Variants in GSE1 observed in about 807,000 individuals in gnomAD.
GSE1 encodes the protein Gse1 coiled-coil protein.
In GSE1, 32 loss-of-function variants were observed where a neutral mutation model predicts 112.6. That is an observed-to-expected ratio of 0.28 (90% CI 0.21 to 0.38). GSE1 has a LOEUF of 0.38. Ranked by LOEUF, GSE1 falls within the 10% of genes least tolerant of loss-of-function variation. The pLI is 1.00. For synonymous variants in GSE1, 1,115 were observed against 735.6 expected, an observed-to-expected ratio of 1.52 and a Z score of -8.35; for missense variants, 2,348 against 1,699.2, an observed-to-expected ratio of 1.38 and a Z score of -6.71.
At chr16:85,208,632 T>G (rs190345296) in intron 1 of GSE1, among the ~76,000 whole-genome samples, 63 of 151,986 alleles carry the variant, frequency 4.1e-4, no homozygotes, top group Non-Finnish European at 6.9e-4. Flanking sequence ...TGCGGGCCAC[T>G]TAGCCTCAGG....
intron 1 of GSE1, among the ~76,000 whole-genome samples, chr16:85,572,558 G>A (rs1393045933): frequency 3.3e-5 from 5 of 151,842 alleles, no homozygotes; most frequent in Non-Finnish European, 7.4e-5. Context: ...CACACAACAC[G>A]ACATACACAC....
intron 2 of GSE1, among the ~76,000 whole-genome samples, chr16:85,517,367 G>A (rs998318954): frequency 1.4e-4 from 22 of 152,292 alleles, no homozygotes; most frequent in African/African-American, 5.3e-4. Flanking sequence ...TGTGAAATGG[G>A]GCAATAGAGC....
intron 1 of GSE1, among the ~76,000 whole-genome samples, chr16:85,222,803 TCTCCCGCTGCTGACGGGCCTC>T (rs1463057434): frequency 6.6e-6 from 1 of 152,136 alleles, no homozygotes; most frequent in Non-Finnish European, 1.5e-5. Flanking sequence ...GTCTCACTGG[TCTCCCGCTGCTGACGGGCCTC>T]CTCTGCAGCA....
intron 2 of GSE1, among the ~76,000 whole-genome samples, chr16:85,496,259 C>T (rs927817324): frequency 1.3e-5 from 2 of 152,218 alleles, no homozygotes; most frequent in Admixed American, 6.5e-5. Context: ...CCAAGGCCGT[C>T]GTCAGGGATG....
Position 85,663,105 on chromosome 16 carries a change from TC to T in GSE1, c.2373+14del, listed in dbSNP as rs1200680405. 1 of 1,556,160 alleles carries T rather than the reference TC, an allele frequency of 6.4e-7. No individual in the cohort carries two copies. The highest frequency in any genetic ancestry group is 1.4e-5 in the African/African-American group (1 of 73,782). On this transcript the variant is annotated intron_variant, in intron 10 of 15. Transcript: ENST00000253458. ...ACACGTCCTCTGAGGTACTGGGCTC[TC>T]CTCCCCACGGACATGCTCTGGGCTG...
chr16:85,441,284 G>T (rs1597765523), intron 2 of GSE1, among the ~76,000 whole-genome samples: 1 of 152,140 alleles, frequency 6.6e-6, no homozygotes, highest in Non-Finnish European at 1.5e-5. Flanking sequence ...AAAAATGTCT[G>T]CAGACATTGC....
chr16:85,170,703 T>C, exon 1 of GSE1: 2 of 985,722 alleles, frequency 2.0e-6, no homozygotes, highest in Non-Finnish European at 2.4e-6. Context: ...AGAAGCTGGC[T>C]CAGGCCCCGT....
chr16:85,619,728 G>A (rs1357527781), intron 1 of GSE1, among the ~76,000 whole-genome samples: 3 of 152,120 alleles, frequency 2.0e-5, no homozygotes, highest in Non-Finnish European at 4.4e-5. Flanking sequence ...TGCGTCAGGC[G>A]TGGTGGGGGG....
chr16:85,499,639 A>G (rs1435547912), intron 2 of GSE1, among the ~76,000 whole-genome samples: 1 of 152,176 alleles, frequency 6.6e-6, no homozygotes, highest in Admixed American at 6.5e-5. Context: ...CTCAGCGTGA[A>G]TGTACTTAAT....
rs2052064995 is a variant in GSE1, at chr16:85,657,493, A to T, written c.1529A>T (p.Asp510Val). ...CGGCGGCTGCGGCAGGAGAAGGAGG[A>T]CCGGCAGTCTCAGGTGTCCGAGTTC... ...RQRRLRQEKE[D>V]RQSQVSEFRQ... is the part of the protein sequence containing the mutation. The change falls in exon 8 of 16, where the codon GAC becomes GTC. Residue 510 changes from aspartate to valine, a missense_variant. By Grantham distance (152) the Asp-to-Val change is radical. Coordinates refer to ENST00000253458, the MANE Select transcript of GSE1 (RefSeq NM_014615.5). The T allele has an allele frequency of 6.2e-7, 1 of 1,606,920 alleles. No homozygotes were observed. The highest frequency in any genetic ancestry group is 1.3e-5 in the African/African-American group (1 of 74,798).
At chr16:85,587,168 AC>A (rs71153805) in intron 1 of GSE1, among the ~76,000 whole-genome samples, 8,980 of 116,000 alleles carry the variant, frequency 0.077, 489 homozygotes, top group African/African-American at 0.18. Context: ...TGAGGACGAA[AC>A]CCCCCCCCCC....
chr16:85,313,256 G>A (rs1475441684), intron 1 of GSE1, among the ~76,000 whole-genome samples: 1 of 152,148 alleles, frequency 6.6e-6, no homozygotes, highest in African/African-American at 2.4e-5. Flanking sequence ...GAGGCTCCTG[G>A]TGAGACCTGC....
rs762426722 is a variant in GSE1, at chr16:85,661,160, G to A, written c.1655G>A (p.Arg552His). The A allele has an allele frequency of 1.3e-5, 20 of 1,588,680 alleles. No homozygotes were observed. Among genetic ancestry groups the A allele is most frequent in the Non-Finnish European group, 1.3e-5 (15 of 1,161,796 alleles). Residue 552 changes from arginine (R) to histidine (H), a missense_variant, in exon 9 of 16, where the codon CGT becomes CAT. By Grantham distance (29) the Arg-to-His change is conservative. Transcript: ENST00000253458. Reference sequence around the variant, plus strand: ...TCACTCCCTAGGCCAGGACCAAACCGTCACGAGCCAGGTGGCCGTGACCCT... The same window carrying A: ...TCACTCCCTAGGCCAGGACCAAACCATCACGAGCCAGGTGGCCGTGACCCT... ...PESTTRPGPN[R>H]HEPGGRDPPQ... is the part of the protein sequence containing the mutation.
intron 1 of GSE1, among the ~76,000 whole-genome samples, chr16:85,272,111 C>T (rs1908895712): frequency 6.6e-6 from 1 of 152,242 alleles, no homozygotes; most frequent in African/African-American, 2.4e-5. Context: ...ATCATCGTCA[C>T]CATGCGGCCG....
chr16:85,533,376 C>T (rs1324035877), intron 2 of GSE1, among the ~76,000 whole-genome samples: 6 of 151,902 alleles, frequency 3.9e-5, no homozygotes, highest in African/African-American at 1.5e-4. Flanking sequence ...GCCGAGATCG[C>T]ACCATTGCAC....
intron 2 of GSE1, among the ~76,000 whole-genome samples, chr16:85,433,588 CTGGATGGA>C (rs57012969): frequency 0.026 from 3,937 of 150,152 alleles, 168 homozygotes; most frequent in African/African-American, 0.09. Flanking sequence ...GAGAAGGATC[CTGGATGGA>C]TGGATGGATG....
At chr16:85,319,434 GGCAGCAGA>G (rs1378501229) in intron 1 of GSE1, among the ~76,000 whole-genome samples, 1 of 152,190 alleles carries the variant, frequency 6.6e-6, no homozygotes, top group African/African-American at 2.4e-5. Flanking sequence ...TGTCCGCCCT[GGCAGCAGA>G]GCCTCCTCGT....
At chr16:85,291,024 G>A (rs1460489864) in intron 1 of GSE1, among the ~76,000 whole-genome samples, 4 of 152,234 alleles carry the variant, frequency 2.6e-5, no homozygotes, top group Non-Finnish European at 5.9e-5. Context: ...GAATAATCAC[G>A]AGAACAGCAA....
chr16:85,515,663 A>T (rs1473157543), intron 2 of GSE1, among the ~76,000 whole-genome samples: 1 of 151,580 alleles, frequency 6.6e-6, no homozygotes, highest in East Asian at 1.9e-4. Flanking sequence ...CGGGGGCTGG[A>T]GTTGGAAATG....
Sources: gnomAD v4.1 joint callset for allele counts (sites outside exome capture counted in the v4.1 genomes callset) on GRCh38, gnomAD v4.1.1 for gene constraint, MANE v1.5 for transcripts, NCBI Gene and HGNC (gene_info 2026-07-23, HGNC 2026-07-21) for gene names.